TXK: variants seen among roughly 807,000 people sequenced by gnomAD.
The protein encoded by TXK is tyrosine-protein kinase TXK.
In TXK, 60 loss-of-function variants were observed where a neutral mutation model predicts 81.0. The observed-to-expected ratio is 0.74, with a 90% CI of 0.60 to 0.92. TXK has a LOEUF of 0.92. TXK is among the 40% of genes least tolerant of loss of function. TXK has a pLI of 0.00. For missense variants in TXK, 581 were observed against 638.3 expected (o/e 0.91, Z 0.97); for synonymous variants, 203 against 210.7 (o/e 0.96, Z 0.32).
At chr4:48,110,224 C>G (rs978685163) in intron 5 of TXK, among the ~76,000 whole-genome samples, 3 of 152,164 alleles carry the variant, frequency 2.0e-5, no homozygotes, top group Non-Finnish European at 4.4e-5. Context: ...GTTTACCACT[C>G]ATTGAAAATT....
At chr4:48,115,627 G>A (rs541133065) in intron 1 of TXK, among the ~76,000 whole-genome samples, 16 of 152,138 alleles carry the variant, frequency 1.1e-4, no homozygotes, top group African/African-American at 3.4e-4. Flanking sequence ...CAGGCAGATC[G>A]CTTGAGCCCA....
At chr4:48,110,513 A>T in intron 5 of TXK, 25 bp downstream of exon 5, 5 of 1,552,488 alleles carry the variant, frequency 3.2e-6, no homozygotes, top group Non-Finnish European at 4.4e-6. Flanking sequence ...TGATTTTCAT[A>T]GGTTATATTT....
intron 3 of TXK, among the ~76,000 whole-genome samples, 187 bp from the exon 4 acceptor site, chr4:48,112,699 C>A (rs940119126): frequency 2.6e-5 from 4 of 152,164 alleles, no homozygotes; most frequent in African/African-American, 9.7e-5. Context: ...GCAATACACT[C>A]ATCATTTTGT....
At position 48,067,540 on chromosome 4, in the gene TXK, G is replaced by A. The variant is rs1716653860; in HGVS notation, c.*97C>T. On this transcript the variant is annotated 3_prime_UTR_variant, in exon 15 of 15. Transcript: ENST00000264316. Reference sequence around the variant, plus strand: ...GTTTTCAAGAGTCAGCAACTCTGAAGAAAGATATTCACCATAAGTGACCCC... The same window carrying A: ...GTTTTCAAGAGTCAGCAACTCTGAAAAAAGATATTCACCATAAGTGACCCC... 1.6e-6 allele frequency: 2 copies of A among 1,264,112 alleles called. No homozygotes were observed. The highest frequency in any genetic ancestry group is 2.9e-5 in the African/African-American group (2 of 68,268). 78.3% of individuals were successfully genotyped at this position (1,264,112 alleles called of 1,614,324 possible).
intron 5 of TXK, among the ~76,000 whole-genome samples, chr4:48,108,613 A>T (rs972181375): frequency 3.9e-5 from 6 of 152,250 alleles, no homozygotes; most frequent in African/African-American, 1.2e-4. Context: ...GTGATCAATA[A>T]TGATAGCTAT....
At chr4:48,080,372 C>G (rs551009705) in intron 10 of TXK, among the ~76,000 whole-genome samples, 1 of 152,118 alleles carries the variant, frequency 6.6e-6, no homozygotes, top group Non-Finnish European at 1.5e-5. Context: ...ATATTCTACG[C>G]GTAAGCATTT....
intron 7 of TXK, among the ~76,000 whole-genome samples, chr4:48,094,917 A>G (rs763872769): frequency 1.3e-5 from 2 of 152,158 alleles, no homozygotes; most frequent in Admixed American, 6.5e-5. Flanking sequence ...TACTACAACT[A>G]ATCTCCCCCT....
At chr4:48,110,790 T>A (rs560925309) in intron 4 of TXK, among the ~76,000 whole-genome samples, 187 bp from the exon 5 acceptor site, 1 of 152,346 alleles carries the variant, frequency 6.6e-6, no homozygotes, top group Admixed American at 6.5e-5. Context: ...ACAAGGAATG[T>A]ATTAAGATGC....
chr4:48,134,016 C>T (rs1395956598), intron 1 of TXK, 139 bp downstream of exon 1: 2 of 861,550 alleles, frequency 2.3e-6, no homozygotes, highest in African/African-American at 3.4e-5. Context: ...AAACAAAACT[C>T]TGTCACAACA....
chr4:48,094,668 A>G (rs1717910517), intron 7 of TXK, among the ~76,000 whole-genome samples: 1 of 152,180 alleles, frequency 6.6e-6, no homozygotes, highest in Non-Finnish European at 1.5e-5. Context: ...CAATTGTCCC[A>G]CTGAAGTGCA....
intron 1 of TXK, among the ~76,000 whole-genome samples, chr4:48,125,356 G>T (rs1719061293): frequency 6.6e-6 from 1 of 152,162 alleles, no homozygotes; most frequent in South Asian, 2.1e-4. Flanking sequence ...CTATTTATTG[G>T]GTACTCACAA....
intron 1 of TXK, among the ~76,000 whole-genome samples, chr4:48,127,707 T>C (rs1391820802): frequency 2.0e-5 from 3 of 152,226 alleles, no homozygotes; most frequent in East Asian, 3.8e-4. Context: ...ATATCTCTAA[T>C]GATGAGCCTC....
At chr4:48,132,887 A>G (rs533830807) in intron 1 of TXK, among the ~76,000 whole-genome samples, 43 of 152,144 alleles carry the variant, frequency 2.8e-4, no homozygotes, top group African/African-American at 1.0e-3. Context: ...TGGAGGTTGC[A>G]GTGAGCTGAG....
At chr4:48,080,957 A>G (rs1717277254) in intron 10 of TXK, among the ~76,000 whole-genome samples, 1 of 152,168 alleles carries the variant, frequency 6.6e-6, no homozygotes, top group Non-Finnish European at 1.5e-5. Context: ...GTAAAATAAA[A>G]TCAGTGACTT....
intron 6 of TXK, among the ~76,000 whole-genome samples, chr4:48,097,582 C>T (rs1718029575): frequency 1.3e-5 from 2 of 151,744 alleles, no homozygotes; most frequent in Non-Finnish European, 2.9e-5. Context: ...TGACTACAGG[C>T]GCCTGCCACC....
chr4:48,104,851 A>G, intron 6 of TXK, 50 bp downstream of exon 6: 1 of 1,434,826 alleles, frequency 7.0e-7, no homozygotes, highest in Non-Finnish European at 9.6e-7. Context: ...TAAAGTCTTT[A>G]TAAGTACTTC....
intron 5 of TXK, among the ~76,000 whole-genome samples, chr4:48,109,181 CTT>C (rs35859877): frequency 4.2e-5 from 6 of 144,268 alleles, no homozygotes; most frequent in Admixed American, 6.9e-5. Flanking sequence ...TGTGGAACTG[CTT>C]TTTTTTTTTT....
rs1002432219 is a variant in TXK at position 48,094,993 on chromosome 4, G to A, written c.581+150C>T. 1.6e-5 allele frequency: 11 copies of A among 676,838 alleles called. No homozygotes were observed. The South Asian group carries it at 1.8e-4, about 11-fold the overall frequency. 41.9% of individuals were successfully genotyped at this position (676,838 alleles called of 1,614,324 possible). On this transcript the variant is annotated intron_variant, in intron 7 of 14. Coordinates refer to ENST00000264316, the MANE Select transcript of TXK (RefSeq NM_003328.3). Reference sequence around the variant, plus strand: ...AGAAACTTATGCAATGTCACACAGAGCATGCTAGGGATATATCACGGACTG... The same window carrying A: ...AGAAACTTATGCAATGTCACACAGAACATGCTAGGGATATATCACGGACTG...
intron 4 of TXK, among the ~76,000 whole-genome samples, chr4:48,110,997 A>G (rs1718616046): frequency 6.6e-6 from 1 of 152,250 alleles, no homozygotes; most frequent in Non-Finnish European, 1.5e-5. Context: ...CTACTTTGCT[A>G]GTAGAAGCAA....
Sources: gnomAD v4.1 joint callset for allele counts (sites outside exome capture counted in the v4.1 genomes callset) on GRCh38, gnomAD v4.1.1 for gene constraint, MANE v1.5 for transcripts, NCBI Gene and HGNC (gene_info 2026-07-23, HGNC 2026-07-21) for gene names.